ANTXR2: variants seen among roughly 807,000 people sequenced by gnomAD.
The protein encoded by ANTXR2 is ANTXR cell adhesion molecule 2, also known as anthrax toxin receptor 2.
Under a neutral mutation model 73.7 loss-of-function variants are expected in ANTXR2, and 44 were observed. That is an observed-to-expected ratio of 0.60 (90% CI 0.47 to 0.77). ANTXR2 has a LOEUF of 0.77. ANTXR2 is among the 30% of genes least tolerant of loss of function. The pLI, the probability that ANTXR2 is intolerant of heterozygous loss-of-function variation, is 0.00. For synonymous variants in ANTXR2, 217 were observed against 205.9 expected (o/e 1.05, Z -0.46); for missense variants, 604 against 592.5 (o/e 1.02, Z -0.20).
intron 16 of ANTXR2, among the ~76,000 whole-genome samples, chr4:79,961,275 C>T (rs952835051): frequency 4.6e-5 from 7 of 151,646 alleles, no homozygotes; most frequent in African/African-American, 1.7e-4. Flanking sequence ...CATAAAGTAA[C>T]CAAAAAATGG....
Position 80,055,095 on chromosome 4 carries a change from T to C in ANTXR2, c.555+55A>G. ...TCAGTGAAAAGAATTTGTTAAACTA[T>C]CCTTAAGACAATTATGTGGTTCAGA... On this transcript the variant is annotated intron_variant, in intron 6 of 16. Transcript: ENST00000403729. The C allele has an allele frequency of 2.1e-6, 3 of 1,457,560 alleles. No homozygotes were observed. In the South Asian group the frequency reaches 3.8e-5, roughly 18 times the overall value. 90.3% of individuals were successfully genotyped at this position (1,457,560 alleles called of 1,614,324 possible).
At chr4:79,959,872 C>T (rs1455033591) in intron 16 of ANTXR2, among the ~76,000 whole-genome samples, 4 of 152,146 alleles carry the variant, frequency 2.6e-5, no homozygotes, top group East Asian at 3.8e-4. Flanking sequence ...TGTCTAACGA[C>T]GTCTCTAACA....
chr4:79,961,327 C>T (rs976484434), intron 16 of ANTXR2, among the ~76,000 whole-genome samples: 18 of 151,970 alleles, frequency 1.2e-4, no homozygotes, highest in African/African-American at 4.1e-4. Flanking sequence ...CATTTCTGCT[C>T]CCCATTGGAT....
At chr4:80,005,862 G>A (rs1208756715) in intron 12 of ANTXR2, among the ~76,000 whole-genome samples, 3 of 152,094 alleles carry the variant, frequency 2.0e-5, no homozygotes, top group Non-Finnish European at 2.9e-5. Context: ...CTCTCCAGTG[G>A]CTTCTCGTCA....
At chr4:80,043,243 A>G (rs1560419634) in intron 7 of ANTXR2, among the ~76,000 whole-genome samples, 2 of 128,652 alleles carry the variant, frequency 1.6e-5, no homozygotes, top group South Asian at 2.9e-4. Flanking sequence ...CTAAATTCTG[A>G]TATTTGGTAT....
At position 79,909,712 on chromosome 4, in the gene ANTXR2, G is replaced by A. The variant is rs990434140; in HGVS notation, c.1429-2245C>T. ...CACCTATATGTTTTAACACACACCC[G>A]TTAACAAAAACAAGCAAATGCTCTT... On this transcript the variant is annotated intron_variant, in intron 16 of 16. Transcript: ENST00000403729. Among the ~76,000 whole-genome samples, 9 of 151,620 alleles carry A rather than the reference G, an allele frequency of 5.9e-5. No individual in the cohort carries two copies. In the South Asian group the frequency reaches 1.0e-3, roughly 18 times the overall value.
In ANTXR2 at chr4:80,008,017, C is replaced by T. The variant is rs547992254; in HGVS notation, c.1041+504G>A. Among the ~76,000 whole-genome samples, 10 of 152,296 alleles carry T rather than the reference C, an allele frequency of 6.6e-5. 1 individual carries two copies. In the South Asian group the frequency reaches 1.9e-3, roughly 28 times the overall value. On this transcript the variant is annotated intron_variant, in intron 12 of 16. Transcript: ENST00000403729. ...AAAAATGACACAAACTGAAACTCCT[C>T]GTCATTACTCCAAAAGTAGCAGTTT...
At chr4:80,032,750 TACTC>T (rs1732756435) in intron 9 of ANTXR2, among the ~76,000 whole-genome samples, 1 of 151,846 alleles carries the variant, frequency 6.6e-6, no homozygotes, top group African/African-American at 2.4e-5. Flanking sequence ...TTTATATAGA[TACTC>T]AAGATGCTCA....
At chr4:79,923,661 A>G (rs1727674407) in intron 16 of ANTXR2, among the ~76,000 whole-genome samples, 1 of 152,150 alleles carries the variant, frequency 6.6e-6, no homozygotes. Context: ...ACACAATTTG[A>G]CAAGCAAAAG....
Position 79,966,928 on chromosome 4 carries a change from G to A in ANTXR2, c.1428+10693C>T, listed in dbSNP as rs562225547. ...CGTCCGGGGAGGAGCCAAGATGGCC[G>A]AATAGGAACAGCTCAGGTCTACAGC... On this transcript the variant is annotated intron_variant, in intron 16 of 16. Transcript: ENST00000403729. Among the ~76,000 whole-genome samples, 2 of 24,284 alleles carry A rather than the reference G, an allele frequency of 8.2e-5. 1 individual carries two copies. The highest frequency in any genetic ancestry group is 1.2e-4 in the African/African-American group (2 of 17,088). The allele number at this position is 24,284 out of a possible 152,430, so 15.9% of individuals were successfully genotyped here.
chr4:80,018,012 C>T (rs1191125150), intron 11 of ANTXR2, among the ~76,000 whole-genome samples: 1 of 152,192 alleles, frequency 6.6e-6, no homozygotes, highest in South Asian at 2.1e-4. Flanking sequence ...GCAACTACCT[C>T]TATACAGATA....
At chr4:80,013,482 T>C (rs1731694579) in intron 11 of ANTXR2, among the ~76,000 whole-genome samples, 1 of 152,180 alleles carries the variant, frequency 6.6e-6, no homozygotes, top group Non-Finnish European at 1.5e-5. Flanking sequence ...GCTTCTTTAT[T>C]TGTGAGATTT....
chr4:80,001,366 T>C (rs923203491), intron 12 of ANTXR2, among the ~76,000 whole-genome samples: 1 of 139,960 alleles, frequency 7.1e-6, no homozygotes, highest in Non-Finnish European at 1.5e-5. Flanking sequence ...CCTTCCTGTG[T>C]CCATGTGATC....
chr4:80,047,643 C>G (rs1219113152), intron 7 of ANTXR2, among the ~76,000 whole-genome samples: 10 of 151,670 alleles, frequency 6.6e-5, no homozygotes, highest in Admixed American at 6.6e-4. Context: ...TTATCTGGGA[C>G]CCTATACACT....
At chr4:80,037,309 T>A (rs1257510401) in intron 7 of ANTXR2, among the ~76,000 whole-genome samples, 6 of 152,168 alleles carry the variant, frequency 3.9e-5, no homozygotes, top group Non-Finnish European at 8.8e-5. Context: ...TTCTGTGCTT[T>A]CTTTAATAAC....
At chr4:79,947,997 C>G (rs1728575418) in intron 16 of ANTXR2, among the ~76,000 whole-genome samples, 1 of 152,086 alleles carries the variant, frequency 6.6e-6, no homozygotes, top group African/African-American at 2.4e-5. Flanking sequence ...TGACTGTACT[C>G]ATTTCTAGCT....
intron 12 of ANTXR2, among the ~76,000 whole-genome samples, chr4:79,991,423 T>C (rs1730464349): frequency 6.6e-6 from 1 of 152,098 alleles, no homozygotes; most frequent in African/African-American, 2.4e-5. Context: ...CCAGTCAGAA[T>C]GGCTATTATT....
At chr4:80,055,288 T>G (rs1578189532) in intron 5 of ANTXR2, 70 bp from the exon 6 acceptor site, 2 of 1,551,078 alleles carry the variant, frequency 1.3e-6, no homozygotes, top group Non-Finnish European at 1.8e-6. Context: ...TATTCAAATA[T>G]CAAGCTATAC....
At chr4:80,057,203 T>C (rs1359311918) in intron 3 of ANTXR2, among the ~76,000 whole-genome samples, 1 of 151,932 alleles carries the variant, frequency 6.6e-6, no homozygotes, top group Non-Finnish European at 1.5e-5. Context: ...CTGAGGATGA[T>C]AGATGAAGGA....
Sources: gnomAD v4.1 joint callset for allele counts (sites outside exome capture counted in the v4.1 genomes callset) on GRCh38, gnomAD v4.1.1 for gene constraint, MANE v1.5 for transcripts, NCBI Gene and HGNC (gene_info 2026-07-23, HGNC 2026-07-21) for gene names.